The following PAM16 variants were observed in gnomAD, a reference collection of about 807,000 sequenced individuals.
PAM16 encodes presequence translocase associated motor 16.
Under a neutral mutation model 17.9 loss-of-function variants are expected in PAM16, and 11 were observed. The observed-to-expected ratio is 0.62, with a 90% CI of 0.39 to 1.02. The LOEUF (loss-of-function observed/expected upper bound fraction) is 1.02, where lower values mean the gene tolerates loss of function less well. Ranked by LOEUF, PAM16 falls within the 50% of genes least tolerant of loss-of-function variation. The pLI, the probability that PAM16 is intolerant of heterozygous loss-of-function variation, is 0.01. For synonymous variants in PAM16, 72 were observed against 67.4 expected, an observed-to-expected ratio of 1.07 and a Z score of -0.34; for missense variants, 199 against 165.4, an observed-to-expected ratio of 1.20 and a Z score of -1.11.
intron 2 of PAM16, 63 bp from the exon 3 acceptor site, chr16:4,341,567 G>C (rs1012239912): frequency 6.6e-7 from 1 of 1,524,660 alleles, no homozygotes; most frequent in Non-Finnish European, 8.8e-7. Context: ...TGGGCCTTCC[G>C]AGTTGGTGGC....
At chr16:4,342,880 A>G (rs773288201) in intron 2 of PAM16, among the ~76,000 whole-genome samples, 44 of 147,324 alleles carry the variant, frequency 3.0e-4, no homozygotes, top group Non-Finnish European at 5.2e-4. Flanking sequence ...AATCACTTGA[A>G]CCAGGAGGCA....
chr16:4,349,923 A>G (rs956337658), intron 1 of PAM16, among the ~76,000 whole-genome samples: 5 of 152,128 alleles, frequency 3.3e-5, no homozygotes, highest in Non-Finnish European at 5.9e-5. Context: ...AGGACTTCAT[A>G]AACACTAAAT....
Position 4,351,306 on chromosome 16 carries a change from C to T in PAM16, c.-72G>A. ...GCGGCCGGGGATCAAGCGTGGTCGG[C>T]GGGTCAGAGGTCAAGGAAAGCCGCA... On this transcript the variant is annotated 5_prime_UTR_variant, in exon 1 of 5. Coordinates refer to ENST00000318059, the MANE Select transcript of PAM16 (RefSeq NM_016069.11). 4.7e-6 allele frequency: 6 copies of T among 1,268,042 alleles called. No individual in the cohort carries two copies. Among genetic ancestry groups the T allele is most frequent in the South Asian group, 3.7e-5 (2 of 53,458 alleles). 78.5% of individuals were successfully genotyped at this position (1,268,042 alleles called of 1,614,324 possible).
At chr16:4,350,114 T>C (rs1359621699) in intron 1 of PAM16, among the ~76,000 whole-genome samples, 1 of 151,924 alleles carries the variant, frequency 6.6e-6, no homozygotes, top group Non-Finnish European at 1.5e-5. Flanking sequence ...GAACTTTTTT[T>C]TTCCCCCTCT....
At chr16:4,345,270 C>T (rs2053738642) in intron 1 of PAM16, 1 of 152,138 alleles carries the variant, frequency 6.6e-6, no homozygotes, top group Non-Finnish European at 1.5e-5. Flanking sequence ...GTCCACACAC[C>T]AGGCACGGTG....
At chr16:4,348,123 G>T (rs1015962516) in intron 1 of PAM16, 6 of 152,192 alleles carry the variant, frequency 3.9e-5, no homozygotes, top group African/African-American at 1.4e-4. Flanking sequence ...GAATAGATAC[G>T]GGCATCACAA....
chr16:4,344,512 TTCTGTGAGAGAAGG>T (rs1567231144), intron 1 of PAM16, among the ~76,000 whole-genome samples: 18 of 4,352 alleles, frequency 4.1e-3, no homozygotes, highest in Non-Finnish European at 5.6e-3. Context: ...GAGGAGGGGG[TTCTGTGAGAGAAGG>T]GGACTGTGTG....
Position 4,351,287 on chromosome 16 carries a change from G to T in PAM16, c.-53C>A, listed in dbSNP as rs1006272154. ...ACTCCGACTTCCTGGCCCCGCGGCC[G>T]GGGATCAAGCGTGGTCGGCGGGTCA... is the stretch of plus-strand genomic sequence containing the variant. On this transcript the variant is annotated 5_prime_UTR_variant, in exon 1 of 5. Transcript: ENST00000318059. The T allele has an allele frequency of 1.4e-6, 2 of 1,424,760 alleles. No individual in the cohort carries two copies. Among genetic ancestry groups the T allele is most frequent in the Non-Finnish European group, 1.9e-6 (2 of 1,073,884 alleles). 88.3% of individuals were successfully genotyped at this position (1,424,760 alleles called of 1,614,324 possible). A position where few individuals can be genotyped will look rare whatever the true frequency, so the allele number is the denominator to read the frequency against.
intron 1 of PAM16, among the ~76,000 whole-genome samples, chr16:4,344,613 GGGGTTCTGTGAGAGGA>G (rs1417488069): frequency 2.3e-5 from 2 of 86,360 alleles, no homozygotes; most frequent in African/African-American, 1.1e-4. Flanking sequence ...TGTGTGAGGG[GGGGTTCTGTGAGAGGA>G]GGGGGTTCCG....
At chr16:4,350,080 T>C (rs1268665779) in intron 1 of PAM16, among the ~76,000 whole-genome samples, 1 of 152,060 alleles carries the variant, frequency 6.6e-6, no homozygotes, top group East Asian at 1.9e-4. Flanking sequence ...GTGCAGAACC[T>C]CCAGGGATAG....
At chr16:4,344,587 C>T (rs1219168802) in intron 1 of PAM16, among the ~76,000 whole-genome samples, 55 of 9,804 alleles carry the variant, frequency 5.6e-3, no homozygotes, top group South Asian at 7.6e-3. Context: ...GAGGGGGTTC[C>T]GTGAGAGGAG....
intron 3 of PAM16, 34 bp downstream of exon 3, chr16:4,341,334 C>T: frequency 6.5e-7 from 1 of 1,548,012 alleles, no homozygotes; most frequent in Non-Finnish European, 8.7e-7. Context: ...GCAGCCTCTC[C>T]CTCTCAAACT....
intron 1 of PAM16, chr16:4,348,662 CT>C (rs113182008): frequency 2.1e-4 from 31 of 149,668 alleles, no homozygotes; most frequent in South Asian, 6.3e-4. Flanking sequence ...ACAGCACTTT[CT>C]TTTTTTTTTG....
At chr16:4,340,457 C>A in intron 4 of PAM16, 52 bp from the exon 5 acceptor site, 1 of 1,585,740 alleles carries the variant, frequency 6.3e-7, no homozygotes, top group Non-Finnish European at 8.6e-7. Flanking sequence ...GCCCCATACC[C>A]CTTGCCCACA....
intron 2 of PAM16, among the ~76,000 whole-genome samples, chr16:4,342,073 G>C (rs1317237956): frequency 6.6e-6 from 1 of 152,232 alleles, no homozygotes; most frequent in Non-Finnish European, 1.5e-5. Context: ...CCTGTCGGCC[G>C]GGCACAGTGG....
chr16:4,350,176 A>C (rs937697353), intron 1 of PAM16, among the ~76,000 whole-genome samples: 1 of 150,698 alleles, frequency 6.6e-6, no homozygotes, highest in African/African-American at 2.4e-5. Flanking sequence ...GTGCAGTGGC[A>C]CAATCTTGGT....
chr16:4,344,998 A>T (rs995757523), intron 1 of PAM16, among the ~76,000 whole-genome samples: 1 of 152,044 alleles, frequency 6.6e-6, no homozygotes, highest in Admixed American at 6.6e-5. Context: ...GCGAGCAGCC[A>T]ATAGCCTAGG....
Position 4,340,398 on chromosome 16 carries a change from C to T in PAM16, c.299G>A (p.Arg100His), listed in dbSNP as rs775983589. The change falls in exon 5 of 5, where the codon CGC (arginine) becomes CAC (histidine). Residue 100 changes from arginine to histidine, a missense_variant. Physicochemically the swap from Arg to His is conservative, Grantham distance 29 (BLOSUM62 0). Coordinates refer to ENST00000318059, the MANE Select transcript of PAM16 (RefSeq NM_016069.11). The stretch of plus-strand genomic sequence containing the variant: ...TTCCTCATCCAGGCGCTCCTTTGCG[C>T]GGACCACCTAGTGGGTCACGGATAA... ...GSFYLQSKVV[R>H]AKERLDEELK... 62 of 1,612,060 alleles carry T rather than the reference C, an allele frequency of 3.8e-5. No individual in the cohort carries two copies. The highest frequency in any genetic ancestry group is 3.1e-4 in the East Asian group (14 of 44,882).
At chr16:4,341,626 G>C in intron 2 of PAM16, 122 bp from the exon 3 acceptor site, 2 of 1,440,154 alleles carry the variant, frequency 1.4e-6, no homozygotes, top group Non-Finnish European at 1.8e-6. Flanking sequence ...CAGGTGGCTA[G>C]GAGCTGCCTC....
Sources: allele counts gnomAD v4.1 joint callset (sites outside exome capture counted in the v4.1 genomes callset), GRCh38; gene constraint gnomAD v4.1.1; transcripts MANE v1.5; gene names NCBI Gene and HGNC (gene_info 2026-07-23, HGNC 2026-07-21).